Variants in TMEM132B observed in about 807,000 individuals in gnomAD.
TMEM132B encodes the protein transmembrane protein 132B.
In TMEM132B, 18 loss-of-function variants were observed where a neutral mutation model predicts 90.8. The observed-to-expected ratio is 0.20, with a 90% confidence interval of 0.14 to 0.29. The LOEUF (loss-of-function observed/expected upper bound fraction) is 0.29, where lower values mean the gene tolerates loss of function less well. Ranked by LOEUF, TMEM132B falls within the 10% of genes least tolerant of loss-of-function variation. The pLI, the probability that TMEM132B is intolerant of heterozygous loss-of-function variation, is 1.00. For missense variants in TMEM132B, 1,096 were observed against 1,326.8 expected, an observed-to-expected ratio of 0.83 and a Z score of 2.70; for synonymous variants, 504 against 523.3, an observed-to-expected ratio of 0.96 and a Z score of 0.50.
At chr12:125,645,041 G>A (rs10846937) in intron 6 of TMEM132B, among the ~76,000 whole-genome samples, 1 of 151,350 alleles carries the variant, frequency 6.6e-6, no homozygotes. Context: ...CATGGTGAAA[G>A]CCTGTCTCTA....
rs908936631 is a variant in TMEM132B, at chr12:125,407,179, T to G, written c.960-8352T>G. ...AAATCATATTGAAGCACAGATTATC[T>G]GGCATGGCCCAAGACCTCAGGTAAA... On this transcript the variant is annotated intron_variant, in intron 2 of 8. Transcript: ENST00000682704. This position sits in a 1 kb window ranked among gnomAD's most constrained non-coding sequence, Gnocchi z 6.7. 6.6e-6 allele frequency among the ~76,000 whole-genome samples: 1 copy of G among 152,216 alleles called. No individual in the cohort carries two copies. Among genetic ancestry groups the G allele is most frequent in the Non-Finnish European group, 1.5e-5 (1 of 68,042 alleles).
chr12:125,524,161 G>T (rs939923951), intron 4 of TMEM132B, among the ~76,000 whole-genome samples: 1 of 152,218 alleles, frequency 6.6e-6, no homozygotes, highest in Non-Finnish European at 1.5e-5. Flanking sequence ...TTACAAGCAA[G>T]AGTACCTCTT....
chr12:125,628,873 C>T (rs1886293677), intron 5 of TMEM132B, among the ~76,000 whole-genome samples: 1 of 152,102 alleles, frequency 6.6e-6, no homozygotes, highest in Non-Finnish European at 1.5e-5. Context: ...ATATGGATAT[C>T]CAGGTTTCCC....
intron 5 of TMEM132B, among the ~76,000 whole-genome samples, chr12:125,634,319 A>G (rs927275618): frequency 9.8e-5 from 15 of 152,296 alleles, no homozygotes; most frequent in African/African-American, 3.1e-4. Flanking sequence ...CTCACCCTGC[A>G]GGGCAGTGGG....
chr12:125,426,937 G>A (rs183050881), intron 3 of TMEM132B, among the ~76,000 whole-genome samples: 106 of 152,332 alleles, frequency 7.0e-4, no homozygotes, highest in African/African-American at 2.5e-3. Flanking sequence ...GTTCCGTATG[G>A]AGAGAATCTA....
intron 2 of TMEM132B, among the ~76,000 whole-genome samples, chr12:125,388,290 G>A (rs1052438312): frequency 4.6e-5 from 7 of 152,094 alleles, no homozygotes; most frequent in African/African-American, 1.4e-4. Flanking sequence ...GTAGCTGGGC[G>A]TGGTGGTGCA....
chr12:125,432,385 A>G (rs199875338), intron 3 of TMEM132B, among the ~76,000 whole-genome samples: 79 of 60,570 alleles, frequency 1.3e-3, no homozygotes, highest in African/African-American at 2.1e-3. Flanking sequence ...ATATATATAT[A>G]TATATATATA....
At chr12:125,540,332 A>G (rs1415364068) in intron 4 of TMEM132B, among the ~76,000 whole-genome samples, 1 of 152,070 alleles carries the variant, frequency 6.6e-6, no homozygotes, top group East Asian at 1.9e-4. Flanking sequence ...AAGGTGGTTG[A>G]TTGTTTTGTT....
chr12:125,276,902 G>A (rs557766989), intron 1 of TMEM132B, among the ~76,000 whole-genome samples: 6 of 152,226 alleles, frequency 3.9e-5, no homozygotes, highest in Admixed American at 6.5e-5. Flanking sequence ...AGCCCTTCCC[G>A]GCAATCCAAT....
chr12:125,310,689 G>A (rs1876101880), intron 1 of TMEM132B, among the ~76,000 whole-genome samples: 1 of 152,144 alleles, frequency 6.6e-6, no homozygotes, highest in Non-Finnish European at 1.5e-5. Flanking sequence ...GGTTACCATG[G>A]CAACCGTAGC....
At chr12:125,594,436 A>C (rs552963068) in intron 5 of TMEM132B, among the ~76,000 whole-genome samples, 1 of 152,282 alleles carries the variant, frequency 6.6e-6, no homozygotes, top group South Asian at 2.1e-4. Context: ...GTGTATTTTT[A>C]ACTTTTTAAG....
chr12:125,356,456 C>G (rs1376294259), intron 2 of TMEM132B, among the ~76,000 whole-genome samples: 1 of 152,214 alleles, frequency 6.6e-6, no homozygotes, highest in African/African-American at 2.4e-5. Flanking sequence ...CCTGGGTGTT[C>G]AGGCCAAACA....
chr12:125,359,061 C>T (rs1248908144), intron 2 of TMEM132B, among the ~76,000 whole-genome samples: 5 of 152,246 alleles, frequency 3.3e-5, no homozygotes, highest in Middle Eastern at 6.8e-3. Context: ...CTCCTGACTC[C>T]GTAATGATGT....
chr12:125,259,527 G>A lies in TMEM132B; in HGVS notation c.67+72661G>A, dbSNP rs138742828. On this transcript the variant is annotated intron_variant, in intron 1 of 8. Coordinates refer to ENST00000682704, the MANE Select transcript of TMEM132B (RefSeq NM_001366854.1). ...GGTTGAGTTGGAACCCAGTAGTGAC[G>A]CTACTCATAAGGGCCGTTGGGTCTT... 3.0e-3 allele frequency among the ~76,000 whole-genome samples: 451 copies of A among 152,288 alleles called. 6 individuals are homozygous for A. Among genetic ancestry groups the A allele is most frequent in the Admixed American group, 0.022 (340 of 15,298 alleles).
intron 3 of TMEM132B, among the ~76,000 whole-genome samples, chr12:125,489,908 A>G (rs1352500388): frequency 6.6e-6 from 1 of 152,236 alleles, no homozygotes; most frequent in African/African-American, 2.4e-5. Flanking sequence ...CAGAATATAC[A>G]TAAAAACTTC....
At chr12:125,572,063 A>G (rs1163855729) in intron 4 of TMEM132B, among the ~76,000 whole-genome samples, 1 of 152,172 alleles carries the variant, frequency 6.6e-6, no homozygotes, top group Non-Finnish European at 1.5e-5. Flanking sequence ...AATGTGCCAT[A>G]TTGGGTTTTG....
chr12:125,600,511 G>A (rs1303666476), intron 5 of TMEM132B, among the ~76,000 whole-genome samples: 1 of 152,080 alleles, frequency 6.6e-6, no homozygotes, highest in Non-Finnish European at 1.5e-5. Context: ...ATGAGGGCAG[G>A]GTCCATTGTT....
intron 3 of TMEM132B, among the ~76,000 whole-genome samples, chr12:125,432,405 A>G (rs1324128661): frequency 2.0e-4 from 10 of 50,974 alleles, no homozygotes; most frequent in Admixed American, 4.3e-4. Flanking sequence ...ATATGTATGT[A>G]TGTGTATATA....
At chr12:125,620,918 G>T (rs1006940371) in intron 5 of TMEM132B, among the ~76,000 whole-genome samples, 1 of 152,184 alleles carries the variant, frequency 6.6e-6, no homozygotes, top group Non-Finnish European at 1.5e-5. Flanking sequence ...TGGGGATTAT[G>T]GGAACTACAA....
Sources: allele counts gnomAD v4.1 joint callset (sites outside exome capture counted in the v4.1 genomes callset), GRCh38; gene constraint gnomAD v4.1.1; non-coding constraint Gnocchi (gnomAD v3.1); transcripts MANE v1.5; gene names NCBI Gene and HGNC (gene_info 2026-07-23, HGNC 2026-07-21).